ERC1: variants seen among roughly 807,000 people sequenced by gnomAD.
ERC1 encodes the protein ELKS/RAB6-interacting/CAST family member 1, also known as RAB6 interacting protein 2.
A neutral mutation model predicts 132.0 loss-of-function variants in ERC1; 56 were observed. The observed-to-expected ratio is 0.42, with a 90% CI of 0.34 to 0.53. The LOEUF is 0.53. ERC1 is among the 20% of genes least tolerant of loss of function. ERC1 has a pLI of 0.03. For missense variants in ERC1, 1,202 were observed against 1,349.9 expected, an observed-to-expected ratio of 0.89 and a Z score of 1.72; for synonymous variants, 478 against 476.1, an observed-to-expected ratio of 1.00 and a Z score of -0.05.
At chr12:1,485,163 A>G (rs527298412) in intron 18 of ERC1, among the ~76,000 whole-genome samples, 6 of 150,262 alleles carry the variant, frequency 4.0e-5, no homozygotes, top group Non-Finnish European at 5.9e-5. Flanking sequence ...TGCTGGGATT[A>G]CAGGTGTGAG....
chr12:1,022,064 ATC>A (rs1453629936), intron 1 of ERC1, among the ~76,000 whole-genome samples: 1 of 152,144 alleles, frequency 6.6e-6, no homozygotes, highest in African/African-American at 2.4e-5. Context: ...TGTTCTATTT[ATC>A]TGTTTATTTT....
intron 12 of ERC1, among the ~76,000 whole-genome samples, chr12:1,218,877 C>G (rs1366328617): frequency 6.6e-6 from 1 of 150,782 alleles, no homozygotes; most frequent in Non-Finnish European, 1.5e-5. Context: ...TATTCTCAGA[C>G]TTTTCTTTTT....
intron 8 of ERC1, chr12:1,152,271 A>G (rs946878445): frequency 6.6e-6 from 1 of 152,002 alleles, no homozygotes. Flanking sequence ...GCTGGCAGAG[A>G]AACAATAAAG....
At chr12:1,081,326 CTTTA>C (rs569476311) in intron 2 of ERC1, among the ~76,000 whole-genome samples, 294 of 152,262 alleles carry the variant, frequency 1.9e-3, no homozygotes, top group African/African-American at 6.2e-3. Context: ...GCATTAACAC[CTTTA>C]TTTAATTAGC....
At chr12:1,204,673 G>A (rs562765164) in intron 12 of ERC1, among the ~76,000 whole-genome samples, 3 of 152,314 alleles carry the variant, frequency 2.0e-5, no homozygotes. Context: ...TCAGAAGAGT[G>A]TGTTCAGATT....
rs11340383 is a variant in ERC1, at chr12:994,317, AT to A, written c.-157+2998del. The stretch of plus-strand genomic sequence containing the variant: ...TAGCATACAGATTATGTGGAATATA[AT>A]TTGTTTTTTTTTCTTATTTATTTTT... On this transcript the variant is annotated intron_variant, in intron 1 of 18. Coordinates refer to ENST00000360905, the MANE Select transcript of ERC1 (RefSeq NM_178040.4). 7.6e-3 allele frequency among the ~76,000 whole-genome samples: 1,154 copies of A among 152,222 alleles called. 12 individuals carry two copies. The highest frequency in any genetic ancestry group is 0.027 in the African/African-American group (1,104 of 41,534).
chr12:994,680 T>A (rs1960419298), intron 1 of ERC1, among the ~76,000 whole-genome samples: 1 of 152,242 alleles, frequency 6.6e-6, no homozygotes, highest in Non-Finnish European at 1.5e-5. Context: ...ATATATTAAA[T>A]ACATATTATG....
chr12:1,182,168 T>C, intron 10 of ERC1, 103 bp downstream of exon 10: 1 of 1,116,556 alleles, frequency 9.0e-7, no homozygotes, highest in East Asian at 2.5e-5. Flanking sequence ...GATGGAAAAT[T>C]TTCTTAATAT....
chr12:1,312,983 A>T (rs1471817849), intron 15 of ERC1, among the ~76,000 whole-genome samples: 2 of 152,084 alleles, frequency 1.3e-5, no homozygotes, highest in Non-Finnish European at 1.5e-5. Flanking sequence ...TTTTTAATGA[A>T]CATCCAAAAG....
intron 1 of ERC1, among the ~76,000 whole-genome samples, chr12:1,005,034 C>G (rs1426812334): frequency 6.6e-6 from 1 of 152,142 alleles, no homozygotes; most frequent in Admixed American, 6.6e-5. Context: ...CTTCAGATGC[C>G]ACGTAGGTGA....
rs74682952 is a variant in ERC1 at position 1,214,765 on chromosome 12, G to A, written c.2352-22004G>A. Among the ~76,000 whole-genome samples, 785 of 151,624 alleles carry A rather than the reference G, an allele frequency of 5.2e-3. 11 individuals are homozygous for A. Among genetic ancestry groups the A allele is most frequent in the African/African-American group, 0.018 (740 of 41,386 alleles). ...CCTCTTGCAGTGTGCCAAATCTTACGCTAAGCATTTTCCATGCATTATTTT... is the reference window on the plus strand; with the variant it reads ...CCTCTTGCAGTGTGCCAAATCTTACACTAAGCATTTTCCATGCATTATTTT... On this transcript the variant is annotated intron_variant, in intron 12 of 18. Coordinates refer to ENST00000360905, the MANE Select transcript of ERC1 (RefSeq NM_178040.4).
chr12:1,142,105 T>C (rs1238572399), intron 8 of ERC1, among the ~76,000 whole-genome samples: 1 of 152,176 alleles, frequency 6.6e-6, no homozygotes, highest in South Asian at 2.1e-4. Flanking sequence ...CTGTACCAAA[T>C]TGGTTTAGTA....
chr12:1,292,579 T>C (rs2079532031), intron 15 of ERC1, among the ~76,000 whole-genome samples: 2 of 152,166 alleles, frequency 1.3e-5, no homozygotes, highest in Admixed American at 6.5e-5. Flanking sequence ...CATGAGATGC[T>C]TTCTGGCCAA....
At chr12:1,400,775 GT>G (rs1351207878) in intron 16 of ERC1, among the ~76,000 whole-genome samples, 1 of 151,876 alleles carries the variant, frequency 6.6e-6, no homozygotes, top group Non-Finnish European at 1.5e-5. Context: ...TCTCAATTTT[GT>G]TTCATTGATT....
intron 12 of ERC1, among the ~76,000 whole-genome samples, chr12:1,213,141 C>T (rs56262753): frequency 5.3e-5 from 8 of 152,156 alleles, no homozygotes; most frequent in East Asian, 3.9e-4. Context: ...TCTGACCTAC[C>T]GGTATTTTTT....
intron 15 of ERC1, among the ~76,000 whole-genome samples, chr12:1,347,950 T>G (rs746339998): frequency 5.9e-5 from 9 of 152,068 alleles, no homozygotes; most frequent in Non-Finnish European, 1.3e-4. Context: ...GCCACTGCAC[T>G]CCAATCTGGT....
intron 13 of ERC1, among the ~76,000 whole-genome samples, chr12:1,258,972 A>C (rs977901725): frequency 1.3e-5 from 2 of 152,210 alleles, no homozygotes; most frequent in African/African-American, 4.8e-5. Context: ...ACATATTTAG[A>C]TATCAGTTAT....
In ERC1 at chr12:1,189,851, C is replaced by T. The variant is rs1361206235; in HGVS notation, c.2158-8C>T. 6 of 1,585,706 alleles carry T rather than the reference C, an allele frequency of 3.8e-6. No individual in the cohort carries two copies. The highest frequency in any genetic ancestry group is 5.2e-6 in the Non-Finnish European group (6 of 1,164,972). On this transcript the variant is annotated splice_region_variant and splice_polypyrimidine_tract_variant and intron_variant, in intron 11 of 18. Coordinates refer to ENST00000360905, the MANE Select transcript of ERC1 (RefSeq NM_178040.4). ...TATCTGATAGGATTGAAATGCTTTT[C>T]TTTGTAGGCACATGAGGCAGCATTG...
intron 12 of ERC1, among the ~76,000 whole-genome samples, chr12:1,215,916 T>C (rs1405687753): frequency 6.6e-6 from 1 of 152,182 alleles, no homozygotes; most frequent in Non-Finnish European, 1.5e-5. Context: ...GCAAAAAGTG[T>C]GGGAATATAA....
Sources: allele counts gnomAD v4.1 joint callset (sites outside exome capture counted in the v4.1 genomes callset), GRCh38; gene constraint gnomAD v4.1.1; transcripts MANE v1.5; gene names NCBI Gene and HGNC (gene_info 2026-07-23, HGNC 2026-07-21).